LRMDA: variants seen among roughly 807,000 people sequenced by gnomAD.
LRMDA encodes the protein leucine rich melanocyte differentiation associated.
In LRMDA, 18 loss-of-function variants were observed where a neutral mutation model predicts 29.8. The observed-to-expected ratio is 0.60, with a 90% CI of 0.42 to 0.90. The LOEUF (loss-of-function observed/expected upper bound fraction) is 0.90. LRMDA is among the 40% of genes least tolerant of loss of function. LRMDA has a pLI of 0.00. For synonymous variants in LRMDA, 125 were observed against 109.4 expected, an observed-to-expected ratio of 1.14 and a Z score of -0.89; for missense variants, 273 against 273.9, an observed-to-expected ratio of 1.00 and a Z score of 0.02.
intron 2 of LRMDA, among the ~76,000 whole-genome samples, chr10:76,006,981 G>GGTGTGTGT (rs1847673989): frequency 1.2e-5 from 1 of 84,452 alleles, no homozygotes. Flanking sequence ...GGATGGAGAA[G>GGTGTGTGT]GCGTGTGTGT....
chr10:76,077,991 C>CTTTTTTTT (rs1564646877), intron 5 of LRMDA, among the ~76,000 whole-genome samples: 3 of 83,432 alleles, frequency 3.6e-5, no homozygotes, highest in Non-Finnish European at 4.6e-5. Context: ...GCAATATTAA[C>CTTTTTTTT]ATTTTTTTTT....
At chr10:75,941,194 G>A (rs1024074290) in intron 2 of LRMDA, among the ~76,000 whole-genome samples, 2 of 152,066 alleles carry the variant, frequency 1.3e-5, no homozygotes, top group East Asian at 1.9e-4. Flanking sequence ...AAATGCCGCC[G>A]CCTCCAGCCC....
At chr10:76,389,837 G>A (rs1841702238) in intron 6 of LRMDA, among the ~76,000 whole-genome samples, 1 of 152,026 alleles carries the variant, frequency 6.6e-6, no homozygotes, top group African/African-American at 2.4e-5. Flanking sequence ...ATATCCAATT[G>A]TATCTATATG....
intron 2 of LRMDA, among the ~76,000 whole-genome samples, chr10:75,651,857 A>G (rs2132127269): frequency 1.3e-5 from 2 of 152,322 alleles, no homozygotes; most frequent in Middle Eastern, 6.8e-3. Context: ...TAAAGCACTT[A>G]AGGGTACCAA....
intron 2 of LRMDA, among the ~76,000 whole-genome samples, chr10:75,589,831 G>C (rs1421524510): frequency 6.6e-6 from 1 of 151,526 alleles, no homozygotes; most frequent in Non-Finnish European, 1.5e-5. Flanking sequence ...GTATTTTTTG[G>C]TGTGTGTTTA....
intron 2 of LRMDA, among the ~76,000 whole-genome samples, chr10:75,677,833 A>G (rs1841979203): frequency 6.6e-6 from 1 of 152,192 alleles, no homozygotes; most frequent in African/African-American, 2.4e-5. Flanking sequence ...CTATTCCCAG[A>G]GAAGTCATTT....
At chr10:76,042,000 T>C (rs948526139) in intron 3 of LRMDA, among the ~76,000 whole-genome samples, 2 of 152,140 alleles carry the variant, frequency 1.3e-5, no homozygotes, top group Admixed American at 6.5e-5. Context: ...CTTCCACAGA[T>C]TGCCTGTGGT....
chr10:76,450,629 C>T (rs975723601), intron 6 of LRMDA, among the ~76,000 whole-genome samples: 4 of 152,074 alleles, frequency 2.6e-5, no homozygotes, highest in Non-Finnish European at 4.4e-5. Context: ...TATTTTTCCT[C>T]GGAATATTGA....
chr10:76,535,247 G>T (rs1843277966), intron 6 of LRMDA, among the ~76,000 whole-genome samples: 1 of 152,126 alleles, frequency 6.6e-6, no homozygotes, highest in Non-Finnish European at 1.5e-5. Flanking sequence ...GTGAAAGAAG[G>T]AGGGAAGGAA....
chr10:76,070,931 C>T (rs759519536), intron 5 of LRMDA, among the ~76,000 whole-genome samples: 5 of 152,002 alleles, frequency 3.3e-5, no homozygotes, highest in East Asian at 1.9e-4. Context: ...GCGTGGGGGA[C>T]GGGAGGCTCC....
intron 2 of LRMDA, among the ~76,000 whole-genome samples, chr10:75,993,604 G>T (rs1260596360): frequency 6.6e-6 from 1 of 151,850 alleles, no homozygotes; most frequent in Middle Eastern, 3.2e-3. Context: ...GTGATGGTGG[G>T]TGCCTGTAAT....
At chr10:76,314,843 G>T (rs1185786154) in intron 5 of LRMDA, among the ~76,000 whole-genome samples, 2 of 152,144 alleles carry the variant, frequency 1.3e-5, no homozygotes, top group Non-Finnish European at 2.9e-5. Context: ...ACACTAATTT[G>T]TCTACATCGC....
intron 5 of LRMDA, among the ~76,000 whole-genome samples, chr10:76,196,159 G>T (rs1390468751): frequency 6.6e-6 from 1 of 152,196 alleles, no homozygotes; most frequent in African/African-American, 2.4e-5. Flanking sequence ...AGCTCTGTCT[G>T]TTTTGCCAAC....
intron 2 of LRMDA, among the ~76,000 whole-genome samples, chr10:75,927,658 C>T (rs936611818): frequency 6.6e-6 from 1 of 152,206 alleles, no homozygotes; most frequent in Non-Finnish European, 1.5e-5. Context: ...TCAAGTGGTG[C>T]TATTTCCACT....
At chr10:75,844,416 AG>A (rs1844596398) in intron 2 of LRMDA, among the ~76,000 whole-genome samples, 1 of 152,230 alleles carries the variant, frequency 6.6e-6, no homozygotes, top group South Asian at 2.1e-4. Context: ...GAAGACAGAA[AG>A]GGTTTACTAA....
At chr10:75,908,769 G>A (rs1016969487) in intron 2 of LRMDA, among the ~76,000 whole-genome samples, 1 of 152,088 alleles carries the variant, frequency 6.6e-6, no homozygotes, top group Non-Finnish European at 1.5e-5. Context: ...GGCTCTACAC[G>A]CGCTCTTTCC....
chr10:75,739,579 G>T (rs1416716058), intron 2 of LRMDA, among the ~76,000 whole-genome samples: 1 of 152,218 alleles, frequency 6.6e-6, no homozygotes, highest in Non-Finnish European at 1.5e-5. Flanking sequence ...GGGTTTGACA[G>T]CTTCTGAAGG....
chr10:75,771,541 A>G (rs1020725207), intron 2 of LRMDA, among the ~76,000 whole-genome samples: 6 of 151,996 alleles, frequency 3.9e-5, no homozygotes, highest in African/African-American at 1.2e-4. Context: ...GTGGCTGGTG[A>G]GTGAGAGGGG....
intron 2 of LRMDA, among the ~76,000 whole-genome samples, chr10:76,015,190 GC>G (rs553031399): frequency 8.6e-4 from 131 of 152,256 alleles, no homozygotes; most frequent in African/African-American, 2.8e-3. Flanking sequence ...GTATCAAATT[GC>G]CCCCCAATTT....
Sources: allele counts gnomAD v4.1 joint callset (sites outside exome capture counted in the v4.1 genomes callset), GRCh38; gene constraint gnomAD v4.1.1; transcripts MANE v1.5; gene names NCBI Gene and HGNC (gene_info 2026-07-23, HGNC 2026-07-21).